The following GPC6 variants were observed in gnomAD, a reference collection of about 807,000 sequenced individuals.
GPC6 encodes the protein glypican-6.
In GPC6, 14 loss-of-function variants were observed where a neutral mutation model predicts 55.2. The observed-to-expected ratio is 0.25, with a 90% CI of 0.17 to 0.40. GPC6 has a LOEUF of 0.40. GPC6 is among the 10% of genes least tolerant of loss of function. The pLI is 1.00. For missense variants in GPC6, 641 were observed against 708.5 expected (o/e 0.90, Z 1.08); for synonymous variants, 278 against 259.6 (o/e 1.07, Z -0.68).
chr13:94,165,718 C>A (rs1446904904), intron 4 of GPC6, among the ~76,000 whole-genome samples: 1 of 152,132 alleles, frequency 6.6e-6, no homozygotes, highest in Non-Finnish European at 1.5e-5. Context: ...ACAAAGCTAG[C>A]ATTTATCACT....
chr13:93,688,688 G>T (rs563383573), intron 2 of GPC6, among the ~76,000 whole-genome samples: 2 of 152,122 alleles, frequency 1.3e-5, no homozygotes, highest in African/African-American at 4.8e-5. Flanking sequence ...ACAATTGCAT[G>T]ATTTCACTTA....
At chr13:93,997,256 G>T (rs1332593223) in intron 3 of GPC6, among the ~76,000 whole-genome samples, 1 of 152,130 alleles carries the variant, frequency 6.6e-6, no homozygotes, top group Non-Finnish European at 1.5e-5. Context: ...AGCTACATCT[G>T]TGCCTTTCAC....
intron 1 of GPC6, among the ~76,000 whole-genome samples, chr13:93,509,198 A>G (rs1308352799): frequency 2.0e-5 from 3 of 152,216 alleles, no homozygotes; most frequent in Admixed American, 6.5e-5. Context: ...TACCAAGTTC[A>G]TTGAAATTGT....
intron 2 of GPC6, among the ~76,000 whole-genome samples, chr13:93,634,551 C>T (rs1277109901): frequency 6.6e-6 from 1 of 152,138 alleles, no homozygotes; most frequent in Non-Finnish European, 1.5e-5. Context: ...CAGAATGTAT[C>T]CAGTTCCAGA....
At chr13:93,692,742 T>C (rs1295191102) in intron 2 of GPC6, among the ~76,000 whole-genome samples, 2 of 152,146 alleles carry the variant, frequency 1.3e-5, no homozygotes, top group East Asian at 3.8e-4. Context: ...TGAAAATTTG[T>C]ATTTAATTTG....
rs185958413 is a variant in GPC6, at chr13:94,056,606, A to G, written c.877+28712A>G. Among the ~76,000 whole-genome samples, 12 of 152,318 alleles carry G rather than the reference A, an allele frequency of 7.9e-5. No individual in the cohort carries two copies. In the East Asian group the frequency reaches 2.1e-3, roughly 27 times the overall value. On this transcript the variant is annotated intron_variant, in intron 4 of 8. Transcript: ENST00000377047. ...TCAGTGTCTGAGAATCTGGAAGATGAGCGTCAGATTTTAACAGTATAATCT... is the reference window on the plus strand; with the variant it reads ...TCAGTGTCTGAGAATCTGGAAGATGGGCGTCAGATTTTAACAGTATAATCT...
chr13:93,799,105 G>T (rs906737916), intron 2 of GPC6, among the ~76,000 whole-genome samples: 19 of 152,152 alleles, frequency 1.2e-4, no homozygotes, highest in African/African-American at 4.3e-4. Flanking sequence ...TCAGTGACGA[G>T]TTCACATTCA....
chr13:94,300,331 G>T (rs2139104119), intron 5 of GPC6, among the ~76,000 whole-genome samples: 1 of 152,294 alleles, frequency 6.6e-6, no homozygotes, highest in African/African-American at 2.4e-5. Flanking sequence ...GGGCACCTTA[G>T]TTTATTTTAA....
chr13:94,091,917 T>TGTGA lies in GPC6; in HGVS notation c.877+64026_877+64027insAGTG, dbSNP rs1332701729. On this transcript the variant is annotated intron_variant, in intron 4 of 8. Coordinates refer to ENST00000377047, the MANE Select transcript of GPC6 (RefSeq NM_005708.5). ...TTCTGTGTGTGTGTGTTTGTGTGTGTGTGTGTGTGTGTGTGTATTTTAAAG... is the reference window on the plus strand; with the variant it reads ...TTCTGTGTGTGTGTGTTTGTGTGTGTGTGAGTGTGTGTGTGTGTGTATTTTAAAG... Among the ~76,000 whole-genome samples, 15 of 151,492 alleles carry TGTGA rather than the reference T, an allele frequency of 9.9e-5. No homozygotes were observed. In the South Asian group the frequency reaches 1.0e-3, roughly 11 times the overall value.
At chr13:93,586,227 C>T (rs983066248) in intron 2 of GPC6, among the ~76,000 whole-genome samples, 1 of 152,030 alleles carries the variant, frequency 6.6e-6, no homozygotes, top group African/African-American at 2.4e-5. Flanking sequence ...GTTTACTGTC[C>T]CTGTGTTAGT....
intron 3 of GPC6, among the ~76,000 whole-genome samples, chr13:93,957,890 T>G (rs1458562088): frequency 1.3e-5 from 2 of 152,186 alleles, no homozygotes; most frequent in African/African-American, 4.8e-5. Flanking sequence ...TATTTGAGTT[T>G]TTAATAATAG....
chr13:93,805,662 C>G (rs909939315), intron 2 of GPC6, among the ~76,000 whole-genome samples: 2 of 152,146 alleles, frequency 1.3e-5, no homozygotes, highest in Non-Finnish European at 2.9e-5. Context: ...CTATGCCTTT[C>G]TCCATTAAAT....
intron 2 of GPC6, among the ~76,000 whole-genome samples, chr13:93,579,715 T>C (rs776632416): frequency 3.3e-5 from 5 of 152,190 alleles, no homozygotes; most frequent in Non-Finnish European, 7.3e-5. Context: ...TTAAATTTCA[T>C]ATGATTTTCA....
chr13:94,305,502 C>T (rs1214444112), intron 5 of GPC6, among the ~76,000 whole-genome samples: 4 of 152,034 alleles, frequency 2.6e-5, no homozygotes, highest in Non-Finnish European at 5.9e-5. Context: ...TTGAAATCAA[C>T]AAGAAAAAGC....
intron 1 of GPC6, among the ~76,000 whole-genome samples, chr13:93,349,493 T>G (rs1174327897): frequency 6.6e-6 from 1 of 152,152 alleles, no homozygotes; most frequent in Non-Finnish European, 1.5e-5. Context: ...AGATGATTAT[T>G]TTAATATAAT....
intron 1 of GPC6, among the ~76,000 whole-genome samples, chr13:93,371,032 A>G (rs1191588687): frequency 6.6e-6 from 1 of 152,068 alleles, no homozygotes; most frequent in Non-Finnish European, 1.5e-5. Flanking sequence ...AAAACAAATA[A>G]TCTCTTACTT....
chr13:93,264,793 A>G (rs115662802), intron 1 of GPC6, among the ~76,000 whole-genome samples: 4,002 of 152,170 alleles, frequency 0.026, 169 homozygotes, highest in African/African-American at 0.092. Context: ...TTAAAATTGT[A>G]TTATTTTTTA....
chr13:93,684,328 G>A (rs1358529230), intron 2 of GPC6, among the ~76,000 whole-genome samples: 5 of 152,014 alleles, frequency 3.3e-5, no homozygotes, highest in African/African-American at 1.2e-4. Context: ...TGGGACTACA[G>A]GTGCCCACCA....
chr13:94,354,758 A>C (rs564351234), intron 6 of GPC6, among the ~76,000 whole-genome samples: 8 of 152,370 alleles, frequency 5.3e-5, no homozygotes, highest in Admixed American at 5.2e-4. Flanking sequence ...GACTGCTCTT[A>C]AACCAAGCTG....
Sources: allele counts gnomAD v4.1 joint callset (sites outside exome capture counted in the v4.1 genomes callset), GRCh38; gene constraint gnomAD v4.1.1; transcripts MANE v1.5; gene names NCBI Gene and HGNC (gene_info 2026-07-23, HGNC 2026-07-21).